The following RHOU variants were observed in gnomAD, a reference collection of about 807,000 sequenced individuals.
RHOU encodes the protein ras homolog family member U, also known as rho-related GTP-binding protein RhoU.
In RHOU, 8 loss-of-function variants were observed where a neutral mutation model predicts 12.6. The ratio of observed to expected loss-of-function variants is 0.64; its 90% confidence interval spans 0.37 to 1.15. RHOU has a LOEUF of 1.15. Ranked by LOEUF, RHOU falls within the 50% of genes most tolerant of loss-of-function variation. The pLI is 0.01. For missense variants in RHOU, 258 were observed against 347.0 expected, an observed-to-expected ratio of 0.74 and a Z score of 2.04; for synonymous variants, 161 against 147.4, an observed-to-expected ratio of 1.09 and a Z score of -0.67.
At chr1:228,673,774 A>G in the RHOU span, among the ~76,000 whole-genome samples, 12 of 152,216 alleles carry the variant, frequency 7.9e-5, no homozygotes, top group Non-Finnish European at 7.3e-5. Flanking sequence ...TTTATAAATT[A>G]CCTAGTCTCA....
At chr1:228,662,640 T>A in the RHOU span, among the ~76,000 whole-genome samples, 1 of 136,694 alleles carries the variant, frequency 7.3e-6, no homozygotes, top group Non-Finnish European at 1.5e-5. Flanking sequence ...ATGAGAACAG[T>A]TGGACACAGG....
At chr1:228,668,044 T>G in the RHOU span, among the ~76,000 whole-genome samples, 1 of 152,096 alleles carries the variant, frequency 6.6e-6, no homozygotes, top group Non-Finnish European at 1.5e-5. Context: ...GCCAGAGTGA[T>G]TAGAGGGTTA....
the RHOU span, among the ~76,000 whole-genome samples, chr1:228,646,723 C>G: frequency 0.022 from 3,386 of 151,598 alleles, 108 homozygotes; most frequent in East Asian, 0.092. Flanking sequence ...CCACCAGGAG[C>G]AAATCCACTC....
the RHOU span, among the ~76,000 whole-genome samples, chr1:228,651,597 G>A: frequency 2.0e-5 from 3 of 152,192 alleles, no homozygotes; most frequent in Non-Finnish European, 2.9e-5. Context: ...AGCACAGCAC[G>A]TGCTGACTAC....
chr1:228,722,982 T>A, the RHOU span, among the ~76,000 whole-genome samples: 1 of 152,212 alleles, frequency 6.6e-6, no homozygotes, highest in African/African-American at 2.4e-5. Flanking sequence ...ATGCTGCGTC[T>A]ACCTTAAAGG....
chr1:228,672,405 C>T, the RHOU span, among the ~76,000 whole-genome samples: 1 of 152,142 alleles, frequency 6.6e-6, no homozygotes, highest in African/African-American at 2.4e-5. Context: ...TCAGATGGTC[C>T]ACCTGCTTCG....
chr1:228,712,843 AAAAT>A, the RHOU span, among the ~76,000 whole-genome samples: 13 of 130,462 alleles, frequency 1.0e-4, no homozygotes, highest in East Asian at 2.1e-4. Context: ...AAAATAAAAT[AAAAT>A]AAAATAAAAT....
the RHOU span, among the ~76,000 whole-genome samples, chr1:228,668,436 G>A: frequency 6.6e-6 from 1 of 152,180 alleles, no homozygotes; most frequent in African/African-American, 2.4e-5. Flanking sequence ...GGGCTGTCTT[G>A]TGGGACCAAG....
At chr1:228,681,795 G>T in the RHOU span, among the ~76,000 whole-genome samples, 1 of 152,270 alleles carries the variant, frequency 6.6e-6, no homozygotes, top group African/African-American at 2.4e-5. Context: ...AGGAGAAATG[G>T]AGGGTGGAAG....
At chr1:228,661,252 C>T in the RHOU span, among the ~76,000 whole-genome samples, 353 of 152,204 alleles carry the variant, frequency 2.3e-3, 2 homozygotes, top group African/African-American at 8.2e-3. Flanking sequence ...TGAAAATGGC[C>T]GTACTGCCCA....
At chr1:228,690,953 A>G in the RHOU span, among the ~76,000 whole-genome samples, 9 of 152,152 alleles carry the variant, frequency 5.9e-5, no homozygotes, top group Non-Finnish European at 1.3e-4. Flanking sequence ...CATAGTGCTT[A>G]AGTACTGTGT....
At chr1:228,736,127 G>T (rs1662605283) in intron 1 of RHOU, 123 bp downstream of exon 1, 2 of 977,478 alleles carry the variant, frequency 2.0e-6, no homozygotes, top group East Asian at 6.4e-5. Flanking sequence ...GGCTCCAGCT[G>T]GGAAGCCGGA....
chr1:228,678,362 G>A, the RHOU span, among the ~76,000 whole-genome samples: 10 of 152,164 alleles, frequency 6.6e-5, no homozygotes, highest in African/African-American at 1.4e-4. Flanking sequence ...AGTTTCAGTC[G>A]GTGAGTAGGT....
At chr1:228,725,322 C>G in the RHOU span, among the ~76,000 whole-genome samples, 1 of 152,150 alleles carries the variant, frequency 6.6e-6, no homozygotes, top group Non-Finnish European at 1.5e-5. Context: ...CTCAGTGGTT[C>G]CCAAAGCTCA....
chr1:228,681,324 G>A, the RHOU span, among the ~76,000 whole-genome samples: 3 of 152,110 alleles, frequency 2.0e-5, no homozygotes, highest in African/African-American at 7.2e-5. Flanking sequence ...ATAGGGTGAG[G>A]GAGCAGAGGC....
rs1430383507 is a variant in RHOU, at chr1:228,745,882, GAACACAA to G, written c.*2146_*2152del. On this transcript the variant is annotated 3_prime_UTR_variant, in exon 3 of 3. Coordinates refer to ENST00000366691, the MANE Select transcript of RHOU (RefSeq NM_021205.6). ...ATAGTGCAAATTCATTTTTAAGATA[GAACACAA>G]AACTTGAAAGAAGTTTTATGCGTGT... 4 of 152,324 alleles carry G rather than the reference GAACACAA, an allele frequency of 2.6e-5. No individual in the cohort carries two copies. In the East Asian group the frequency reaches 7.7e-4, roughly 29 times the overall value. 9.4% of individuals were successfully genotyped at this position (152,324 alleles called of 1,614,324 possible).
intron 2 of RHOU, among the ~76,000 whole-genome samples, chr1:228,739,556 C>G (rs1348682137): frequency 1.3e-5 from 2 of 152,084 alleles, no homozygotes; most frequent in Admixed American, 6.5e-5. Context: ...GAGAGAGATT[C>G]CATCTCAAAA....
the RHOU span, among the ~76,000 whole-genome samples, chr1:228,667,495 G>A: frequency 3.3e-5 from 5 of 152,282 alleles, no homozygotes; most frequent in African/African-American, 1.2e-4. Flanking sequence ...AGAAGCAGTC[G>A]GGGATGTAGG....
rs763744292 is a variant in RHOU, at chr1:228,735,868, G to A, written c.126G>A (p.Ala42=). The stretch of plus-strand genomic sequence containing the variant: ...GGGAGCCGGGGGGCCGGGGGCGTGC[G>A]GGGGGTGCCGAGGGGCGCGGCGTCA... The part of the protein sequence containing the change: ...GPGEPGGRGR[A]GGAEGRGVKC... The change falls in exon 1 of 3, where the codon GCG becomes GCA. Residue 42 remains alanine (A), a synonymous_variant. Transcript: ENST00000366691. The surrounding 1 kb of genome is among the most constrained non-coding windows in gnomAD (Gnocchi z 8.1). 6 of 1,460,776 alleles carry A rather than the reference G, an allele frequency of 4.1e-6. No homozygotes were observed. Among genetic ancestry groups the A allele is most frequent in the African/African-American group, 1.5e-5 (1 of 68,780 alleles). 90.5% of individuals were successfully genotyped at this position (1,460,776 alleles called of 1,614,324 possible).
Sources: gnomAD v4.1 joint callset for allele counts (sites outside exome capture counted in the v4.1 genomes callset) on GRCh38, gnomAD v4.1.1 for gene constraint, Gnocchi (gnomAD v3.1) non-coding constraint, MANE v1.5 for transcripts, NCBI Gene and HGNC (gene_info 2026-07-23, HGNC 2026-07-21) for gene names.